The following BCAP29 variants were observed in gnomAD, a reference collection of about 807,000 sequenced individuals.
BCAP29 encodes the protein B cell receptor associated protein 29.
Under a neutral mutation model 31.8 loss-of-function variants are expected in BCAP29, and 34 were observed. The ratio of observed to expected loss-of-function variants is 1.07; its 90% confidence interval spans 0.81 to 1.42. The LOEUF is 1.42. BCAP29 is among the 40% of genes most tolerant of loss of function. BCAP29 has a pLI of 0.00. For synonymous variants in BCAP29, 104 were observed against 91.3 expected, an observed-to-expected ratio of 1.14 and a Z score of -0.79; for missense variants, 314 against 269.2, an observed-to-expected ratio of 1.17 and a Z score of -1.16.
downstream of BCAP29, chr7:107,622,558 A>T (rs1274876771): frequency 6.6e-6 from 1 of 152,114 alleles, no homozygotes; most frequent in African/African-American, 2.4e-5. Flanking sequence ...ACCCTATTTT[A>T]TTTTCATCAT....
chr7:107,613,251 G>A (rs1813549753), intron 6 of BCAP29, 81 bp from the exon 7 acceptor site: 2 of 972,840 alleles, frequency 2.1e-6, no homozygotes, highest in East Asian at 2.6e-5. Context: ...CTATACAGGA[G>A]TTCTCTATTT....
At chr7:107,615,597 GAAAA>G in intron 7 of BCAP29, 1 of 199,856 alleles carries the variant, frequency 5.0e-6, no homozygotes, top group Non-Finnish European at 1.0e-5. Context: ...CTCCATCTCA[GAAAA>G]AAAAAAAGTG....
At chr7:107,580,893 A>G in intron 2 of BCAP29, 29 bp downstream of exon 2, 1 of 1,499,594 alleles carries the variant, frequency 6.7e-7, no homozygotes, top group Non-Finnish European at 9.1e-7. Context: ...GTTAACTAAT[A>G]AATATTGGAT....
At chr7:107,596,143 T>G (rs745757066) in intron 5 of BCAP29, 141 bp downstream of exon 5, 93 of 709,348 alleles carry the variant, frequency 1.3e-4, no homozygotes, top group Non-Finnish European at 1.9e-4. Flanking sequence ...GTAATGATTA[T>G]TTCAAGAATA....
In BCAP29 at chr7:107,600,477, G is replaced by C; in HGVS notation, c.561G>C (p.Leu187=). The change falls in exon 6 of 8, where the codon CTG becomes CTC. Residue 187 remains leucine, a synonymous_variant. Transcript: ENST00000005259. ...NKKLVEDQEK[L]KTELRKTSDA... ...AACTAGTAGAAGACCAGGAGAAACT[G>C]AAAACTGAATTAAGGAAGACTTCAG... The C allele has an allele frequency of 6.2e-7, 1 of 1,606,342 alleles. No individual in the cohort carries two copies. The highest frequency in any genetic ancestry group is 8.5e-7 in the Non-Finnish European group (1 of 1,174,372).
Position 107,606,508 on chromosome 7 carries a change from A to G in BCAP29, c.589+6003A>G, listed in dbSNP as rs976188329. Among the ~76,000 whole-genome samples, 7 of 152,336 alleles carry G rather than the reference A, an allele frequency of 4.6e-5. No homozygotes were observed. In the East Asian group the frequency reaches 1.4e-3, roughly 29 times the overall value. ...TTTGAAGAATGTTTCATGCAATCTT[A>G]GGATCTTTAGGACAGGATCTGGCAG... On this transcript the variant is annotated intron_variant, in intron 6 of 7. Transcript: ENST00000005259.
intron 3 of BCAP29, among the ~76,000 whole-genome samples, chr7:107,584,642 C>G (rs1195220138): frequency 1.3e-5 from 2 of 152,100 alleles, no homozygotes; most frequent in African/African-American, 4.8e-5. Flanking sequence ...CCCAGAAGTT[C>G]AAGTTTGCAG....
At chr7:107,583,077 T>C (rs924832178) in intron 2 of BCAP29, among the ~76,000 whole-genome samples, 4 of 152,102 alleles carry the variant, frequency 2.6e-5, no homozygotes, top group Non-Finnish European at 5.9e-5. Context: ...AAGTGCTTAC[T>C]ACATTTTTCT....
rs763417273 is a variant in BCAP29, at chr7:107,618,347, A to G, written c.710A>G (p.Asn237Ser). The change falls in exon 8 of 8, where the codon AAC (asparagine) becomes AGC (serine). Residue 237 changes from asparagine to serine, a missense_variant. Coordinates refer to ENST00000005259, the MANE Select transcript of BCAP29 (RefSeq NM_018844.4). ...SELQDRLERG[N>S]KKRL ...TTACAGGATCGTTTAGAAAGAGGCA[A>G]CAAGAAAAGACTGTGAACTTTATAA... is the stretch of plus-strand genomic sequence containing the variant. The G allele has an allele frequency of 6.9e-6, 11 of 1,593,688 alleles. No individual in the cohort carries two copies. The highest frequency in any genetic ancestry group is 8.6e-6 in the Non-Finnish European group (10 of 1,169,410).
chr7:107,580,733 G>A, intron 1 of BCAP29, 26 bp from the exon 2 acceptor site: 4 of 1,507,424 alleles, frequency 2.7e-6, no homozygotes, highest in Non-Finnish European at 2.7e-6. Flanking sequence ...AAGGAAGCAA[G>A]AGAAAATAAG....
At position 107,620,382 on chromosome 7, in the gene BCAP29, A is replaced by G. The variant is rs1466859672; in HGVS notation, c.*2019A>G. 6.6e-6 allele frequency: 1 copy of G among 152,198 alleles called. No individual in the cohort carries two copies. Among genetic ancestry groups the G allele is most frequent in the African/African-American group, 2.4e-5 (1 of 41,442 alleles). The allele number at this position is 152,198 out of a possible 1,614,324, so 9.4% of individuals were successfully genotyped here. On this transcript the variant is annotated 3_prime_UTR_variant, in exon 8 of 8. Transcript: ENST00000005259. ...CTTTACCACCGTGCCCAACTGTTTC[A>G]CATGCTGTGTTTGGTAGTTTTTCCT... is the stretch of plus-strand genomic sequence containing the variant.
chr7:107,620,628 T>C (rs540914276), downstream of BCAP29: 1 of 152,312 alleles, frequency 6.6e-6, no homozygotes, highest in East Asian at 1.9e-4. Flanking sequence ...TCCCCCTACT[T>C]GCAAATCTGC....
intron 3 of BCAP29, among the ~76,000 whole-genome samples, chr7:107,590,851 A>AAGAC (rs1808601481): frequency 6.6e-6 from 1 of 151,946 alleles, no homozygotes; most frequent in African/African-American, 2.4e-5. Flanking sequence ...GAAAGAAAGA[A>AAGAC]AGAAATAATC....
chr7:107,583,967 A>C lies in BCAP29; in HGVS notation c.178A>C (p.Ile60Leu). The C allele has an allele frequency of 6.4e-7, 1 of 1,565,676 alleles. No individual in the cohort carries two copies. The highest frequency in any genetic ancestry group is 1.4e-5 in the African/African-American group (1 of 73,528). ...KAFLTIIILL[I>L]VLFLDAVREV... is the part of the protein sequence containing the mutation. ...TTTCCTTACCATTATCATCCTATTG[A>C]TTGTTCTATTTCTAGGTAAGTACTA... The change falls in exon 3 of 8, where the codon ATT (isoleucine) becomes CTT (leucine). Residue 60 changes from isoleucine (I) to leucine (L), a missense_variant. Ile to Leu is a conservative substitution (Grantham distance 5). Transcript: ENST00000005259.
intron 7 of BCAP29, among the ~76,000 whole-genome samples, chr7:107,614,346 ACCTGGCTGCATG>A (rs1207991268): frequency 4.6e-5 from 7 of 152,214 alleles, no homozygotes; most frequent in African/African-American, 1.4e-4. Context: ...ACCTACCTAT[ACCTGGCTGCATG>A]CTAGGTTTTT....
intron 5 of BCAP29, among the ~76,000 whole-genome samples, chr7:107,596,622 G>A (rs1253199565): frequency 6.6e-6 from 1 of 152,130 alleles, no homozygotes; most frequent in Non-Finnish European, 1.5e-5. Context: ...AACTGATCAT[G>A]TACATATCTT....
At chr7:107,588,953 G>A (rs1808213472) in intron 3 of BCAP29, among the ~76,000 whole-genome samples, 2 of 152,174 alleles carry the variant, frequency 1.3e-5, no homozygotes, top group Non-Finnish European at 2.9e-5. Flanking sequence ...GAGAGACAGA[G>A]TTTGGAGTAT....
At chr7:107,623,127 G>A (rs1375564572), downstream of BCAP29, 1 of 152,144 alleles carries the variant, frequency 6.6e-6, no homozygotes, top group Non-Finnish European at 1.5e-5. Flanking sequence ...ACAAGGAGCT[G>A]TGTCCCTGAC....
intron 3 of BCAP29, 120 bp from the exon 4 acceptor site, chr7:107,593,835 C>T (rs1290053402): frequency 8.7e-6 from 8 of 921,604 alleles, no homozygotes; most frequent in Admixed American, 2.9e-5. Context: ...ACATAAAGGT[C>T]GCCTCTGCCT....
Sources: gnomAD v4.1 joint callset for allele counts (sites outside exome capture counted in the v4.1 genomes callset) on GRCh38, gnomAD v4.1.1 for gene constraint, MANE v1.5 for transcripts, NCBI Gene and HGNC (gene_info 2026-07-23, HGNC 2026-07-21) for gene names.